Variants in MDM2 observed in about 807,000 individuals in gnomAD.
The protein encoded by MDM2 is E3 ubiquitin-protein ligase Mdm2.
MDM2 carries 11 observed loss-of-function variants against 64.3 expected under a neutral mutation model. The observed-to-expected ratio is 0.17, with a 90% confidence interval of 0.11 to 0.28. The LOEUF (loss-of-function observed/expected upper bound fraction) is 0.28. Among genes scored for constraint, MDM2 ranks in the 10% least tolerant of loss-of-function variants. The pLI is 1.00. For missense variants in MDM2, 388 were observed against 577.1 expected, an observed-to-expected ratio of 0.67 and a Z score of 3.36; for synonymous variants, 194 against 192.9, an observed-to-expected ratio of 1.01 and a Z score of -0.05.
At chr12:68,821,495 G>A (rs1881847256) in intron 5 of MDM2, among the ~76,000 whole-genome samples, 2 of 152,192 alleles carry the variant, frequency 1.3e-5, no homozygotes, top group Admixed American at 6.5e-5. Context: ...GGCTAAGGCA[G>A]GAGGATCACT....
rs2136168682 is a variant in MDM2 at position 68,835,844 on chromosome 12, G to A, written c.700G>A (p.Val234Ile). Residue 234 changes from valine to isoleucine, a missense_variant, in exon 9 of 11, where the codon GTA becomes ATA. Physicochemically the swap from Val to Ile is conservative, Grantham distance 29. Around this residue, in one of 5 missense-constraint regions of MDM2, gnomAD observed 168 missense variants for 236.6 expected, o/e 0.71. Coordinates refer to ENST00000258149, the MANE Select transcript of MDM2 (RefSeq NM_002392.6). ...CTTGTTTTAGGATCTTGATGCTGGTGTAAGTGAACATTCAGGTGATTGGTT... is the reference window on the plus strand; with the variant it reads ...CTTGTTTTAGGATCTTGATGCTGGTATAAGTGAACATTCAGGTGATTGGTT... ...TPSNPDLDAG[V>I]SEHSGDWLDQ... The A allele has an allele frequency of 6.2e-7, 1 of 1,612,764 alleles. No homozygotes were observed. The highest frequency in any genetic ancestry group is 8.5e-7 in the Non-Finnish European group (1 of 1,179,336).
At chr12:68,809,181 T>C in intron 1 of MDM2, 27 bp from the exon 2 acceptor site, 2 of 1,608,578 alleles carry the variant, frequency 1.2e-6, no homozygotes, top group Non-Finnish European at 1.7e-6. Flanking sequence ...ATTTCCAGTT[T>C]TCATCGTGTC....
intron 8 of MDM2, among the ~76,000 whole-genome samples, chr12:68,831,908 A>G (rs3730626): frequency 0.019 from 2,939 of 152,200 alleles, 106 homozygotes; most frequent in African/African-American, 0.067. Context: ...CATCTCTACT[A>G]AAAATACCAA....
Position 68,813,544 on chromosome 12 carries a change from C to A in MDM2, c.100-10C>A, listed in dbSNP as rs56410897. The A allele has an allele frequency of 1.1e-3, 1,751 of 1,603,882 alleles. 23 individuals are homozygous for A. In the African/African-American group the frequency reaches 0.021, roughly 19 times the overall value. ...TTGGAAGTATAATAGCAGTTCTTTT[C>A]TCTTTATAGGTTAGACCAAAGCCAT... On this transcript the variant is annotated splice_polypyrimidine_tract_variant and intron_variant, in intron 2 of 10. Transcript: ENST00000258149.
At chr12:68,818,700 A>T (rs1400100616) in intron 4 of MDM2, among the ~76,000 whole-genome samples, 1 of 151,278 alleles carries the variant, frequency 6.6e-6, no homozygotes, top group East Asian at 1.9e-4. Context: ...TATAAATTTT[A>T]AAAATAACTA....
intron 8 of MDM2, among the ~76,000 whole-genome samples, chr12:68,835,236 A>AT (rs1883210470): frequency 6.6e-6 from 1 of 152,242 alleles, no homozygotes; most frequent in Non-Finnish European, 1.5e-5. Flanking sequence ...ATTCATTATT[A>AT]TACAAGTAGT....
chr12:68,836,532 C>G, intron 9 of MDM2, 140 bp from the exon 10 acceptor site: 1 of 646,176 alleles, frequency 1.5e-6, no homozygotes, highest in African/African-American at 1.8e-5. Context: ...CCCCTTTACA[C>G]TCACTTACTC....
intron 8 of MDM2, among the ~76,000 whole-genome samples, chr12:68,829,568 C>T (rs899526391): frequency 2.0e-5 from 3 of 152,072 alleles, no homozygotes; most frequent in African/African-American, 7.2e-5. Context: ...GAGTTCAAGA[C>T]CAGCATGGCC....
rs903457032 is a variant in MDM2, at chr12:68,820,392, A to G, written c.358+18A>G. 1 of 1,587,622 alleles carries G rather than the reference A, an allele frequency of 6.3e-7. No individual in the cohort carries two copies. Among genetic ancestry groups the G allele is most frequent in the Non-Finnish European group, 8.6e-7 (1 of 1,161,672 alleles). On this transcript the variant is annotated intron_variant, in intron 5 of 10. Coordinates refer to ENST00000258149, the MANE Select transcript of MDM2 (RefSeq NM_002392.6). ...TCAGCAGGGTAAGTTAATTTTGAGC[A>G]TCATGGATAAATACCATAAAAACGT...
intron 8 of MDM2, 29 bp downstream of exon 8, chr12:68,828,960 A>T (rs1882573514): frequency 6.2e-7 from 1 of 1,607,522 alleles, no homozygotes; most frequent in Non-Finnish European, 8.5e-7. Context: ...GTAAGGCAAG[A>T]CTCTTACTGT....
At chr12:68,836,514 A>AT (rs560347295) in intron 9 of MDM2, 158 bp from the exon 10 acceptor site, 333 of 556,044 alleles carry the variant, frequency 6.0e-4, no homozygotes, top group Admixed American at 2.6e-3. Flanking sequence ...TCTCTCCTCC[A>AT]TTTTTTCCCC....
In MDM2 at chr12:68,819,640, C is replaced by T. The variant is rs1484923260; in HGVS notation, c.309-685C>T. Among the ~76,000 whole-genome samples, 3 of 152,106 alleles carry T rather than the reference C, an allele frequency of 2.0e-5. No individual in the cohort carries two copies. In the East Asian group the frequency reaches 5.8e-4, roughly 29 times the overall value. On this transcript the variant is annotated intron_variant, in intron 4 of 10. Transcript: ENST00000258149. Reference sequence around the variant, plus strand: ...CTGAGTAGCTGGGATTACAGGCATGCGCCACCATGCCCAGCTAATTTTATA... The same window carrying T: ...CTGAGTAGCTGGGATTACAGGCATGTGCCACCATGCCCAGCTAATTTTATA...
chr12:68,847,449 TTTC>T (rs1351094025), downstream of MDM2: 17 of 78,350 alleles, frequency 2.2e-4, no homozygotes, highest in Admixed American at 1.1e-3. Context: ...TTGTATCTCC[TTTC>T]TTTTTTTTTT....
intron 3 of MDM2, chr12:68,814,675 C>G (rs561849151): frequency 1.3e-5 from 4 of 313,938 alleles, no homozygotes; most frequent in South Asian, 5.2e-5. Context: ...GTATACTGAT[C>G]TTTCTGGGAT....
Position 68,839,394 on chromosome 12 carries a change from A to G in MDM2, c.1039A>G (p.Ile347Val), listed in dbSNP as rs768100456. The G allele has an allele frequency of 1.9e-5, 30 of 1,613,846 alleles. No individual in the cohort carries two copies. Among genetic ancestry groups the G allele is most frequent in the Non-Finnish European group, 2.3e-5 (27 of 1,180,024 alleles). ...AGATAAAGGGAAAGATAAAGGGGAA[A>G]TCTCTGAGAAAGCCAAACTGGAAAA... ...PEDKGKDKGEISEKAKLENST... is the reference protein window; with the variant it reads ...PEDKGKDKGEVSEKAKLENST... Residue 347 changes from isoleucine (I) to valine (V), a missense_variant, in exon 11 of 11, where the codon ATC becomes GTC. Ile to Val is a conservative substitution (Grantham distance 29, BLOSUM62 3). Coordinates refer to ENST00000258149, the MANE Select transcript of MDM2 (RefSeq NM_002392.6).
rs1377416545 is a variant in MDM2, at chr12:68,829,578, C to T, written c.684+647C>T. Among the ~76,000 whole-genome samples, 2 of 152,048 alleles carry T rather than the reference C, an allele frequency of 1.3e-5. 1 individual carries two copies. Among genetic ancestry groups the T allele is most frequent in the Non-Finnish European group, 2.9e-5 (2 of 68,022 alleles). On this transcript the variant is annotated intron_variant, in intron 8 of 10. Coordinates refer to ENST00000258149, the MANE Select transcript of MDM2 (RefSeq NM_002392.6). ...GTCAGGAGTTCAAGACCAGCATGGCCAACAAGATGAAACCATGTCTTTACT... is the reference window on the plus strand; with the variant it reads ...GTCAGGAGTTCAAGACCAGCATGGCTAACAAGATGAAACCATGTCTTTACT...
chr12:68,808,835 T>A (rs1196333), intron 1 of MDM2: 18,951 of 844,256 alleles, frequency 0.022, 527 homozygotes, highest in African/African-American at 0.13. Flanking sequence ...CAGGTGCCTG[T>A]CGGGTCACTA....
At chr12:68,833,318 A>AATATATATTT (rs1565744160) in intron 8 of MDM2, among the ~76,000 whole-genome samples, 2 of 96,044 alleles carry the variant, frequency 2.1e-5, no homozygotes, top group African/African-American at 3.8e-5. Flanking sequence ...TAAAAATATA[A>AATATATATTT]TTATATAAAT....
In MDM2 at chr12:68,843,871, T is replaced by G. The variant is rs1170388391; in HGVS notation, c.*4022T>G. On this transcript the variant is annotated 3_prime_UTR_variant, in exon 11 of 11. Transcript: ENST00000258149. ...TATTTGGAGTTGATAATACTTCAGC[T>G]TCAATTTGGAGTTGATAATATTTCA... 1 of 216,062 alleles carries G rather than the reference T, an allele frequency of 4.6e-6. No individual in the cohort carries two copies. The highest frequency in any genetic ancestry group is 9.3e-6 in the Non-Finnish European group (1 of 107,434). The allele number at this position is 216,062 out of a possible 1,614,324, so 13.4% of individuals were successfully genotyped here.
Sources: allele counts gnomAD v4.1 joint callset (sites outside exome capture counted in the v4.1 genomes callset), GRCh38; gene constraint gnomAD v4.1.1; regional missense constraint gnomAD v4.1.1; transcripts MANE v1.5; gene names NCBI Gene and HGNC (gene_info 2026-07-23, HGNC 2026-07-21).